The following DOK5 variants were observed in gnomAD, a reference collection of about 807,000 sequenced individuals.
DOK5 encodes the protein docking protein 5, also known as downstream of tyrosine kinase 5.
In DOK5, 27 loss-of-function variants were observed where a neutral mutation model predicts 43.3. That is an observed-to-expected ratio of 0.62 (90% confidence interval 0.46 to 0.86). The LOEUF is 0.86. Among genes scored for constraint, DOK5 ranks in the 40% least tolerant of loss-of-function variants. The pLI is 0.00. For synonymous variants in DOK5, 146 were observed against 140.1 expected (o/e 1.04, Z -0.30); for missense variants, 373 against 392.9 (o/e 0.95, Z 0.43).
In DOK5 at chr20:54,534,968, G is replaced by A. The variant is rs186869391; in HGVS notation, c.67-19965G>A. On this transcript the variant is annotated intron_variant, in intron 1 of 7. Transcript: ENST00000262593. ...TCTGCCTCAGCCTCCCGAGTAGCTGGGATTACAGGCATGTGCCACCACGCC... is the reference window on the plus strand; with the variant it reads ...TCTGCCTCAGCCTCCCGAGTAGCTGAGATTACAGGCATGTGCCACCACGCC... Among the ~76,000 whole-genome samples, 574 of 152,168 alleles carry A rather than the reference G, an allele frequency of 3.8e-3. 7 individuals carry two copies. The highest frequency in any genetic ancestry group is 3.0e-3 in the Non-Finnish European group (205 of 68,020).
chr20:54,512,986 C>T (rs531396393), intron 1 of DOK5, among the ~76,000 whole-genome samples: 3 of 152,242 alleles, frequency 2.0e-5, no homozygotes, highest in Admixed American at 6.5e-5. Context: ...ATGGCTTTTT[C>T]CCCCTTATAC....
At chr20:54,592,663 C>T (rs1986013267) in intron 5 of DOK5, among the ~76,000 whole-genome samples, 1 of 151,834 alleles carries the variant, frequency 6.6e-6, no homozygotes, top group Admixed American at 6.6e-5. Flanking sequence ...GCCTCAGCCT[C>T]CTGAGTAGCT....
chr20:54,572,592 T>A (rs1985319360), intron 2 of DOK5, among the ~76,000 whole-genome samples: 1 of 152,210 alleles, frequency 6.6e-6, no homozygotes, highest in Non-Finnish European at 1.5e-5. Context: ...AAAAAATTAA[T>A]GTCAGCCACT....
intron 2 of DOK5, among the ~76,000 whole-genome samples, chr20:54,570,034 G>T (rs1233049092): frequency 6.6e-6 from 1 of 152,150 alleles, no homozygotes; most frequent in Non-Finnish European, 1.5e-5. Flanking sequence ...AATTTTTGAT[G>T]AAAACTGAGC....
intron 5 of DOK5, among the ~76,000 whole-genome samples, chr20:54,600,532 G>T (rs1177154205): frequency 1.3e-5 from 2 of 152,096 alleles, no homozygotes; most frequent in Non-Finnish European, 2.9e-5. Context: ...ATGGGAGGAT[G>T]GAGTCCAGAG....
chr20:54,595,780 G>A (rs1986122490), intron 5 of DOK5, among the ~76,000 whole-genome samples: 2 of 152,210 alleles, frequency 1.3e-5, no homozygotes, highest in African/African-American at 2.4e-5. Flanking sequence ...TGTATGCTTA[G>A]CATCTTACTT....
chr20:54,632,682 A>G (rs6098130), intron 6 of DOK5, among the ~76,000 whole-genome samples: 9,113 of 152,344 alleles, frequency 0.06, 293 homozygotes, highest in Middle Eastern at 0.11. Flanking sequence ...AAAATTTCCC[A>G]GAATGATTGT....
intron 1 of DOK5, among the ~76,000 whole-genome samples, chr20:54,552,025 G>T (rs1984547371): frequency 6.6e-6 from 1 of 152,042 alleles, no homozygotes; most frequent in Non-Finnish European, 1.5e-5. Flanking sequence ...ATGGGGTTTT[G>T]TCATATTGGC....
chr20:54,564,683 A>G (rs769888340), intron 2 of DOK5, among the ~76,000 whole-genome samples: 2 of 152,190 alleles, frequency 1.3e-5, no homozygotes, highest in African/African-American at 2.4e-5. Flanking sequence ...GTCAAAGGTG[A>G]TGTCAATCCC....
At chr20:54,588,913 A>G in intron 4 of DOK5, 107 bp downstream of exon 4, 5 of 1,172,326 alleles carry the variant, frequency 4.3e-6, no homozygotes, top group Non-Finnish European at 5.9e-6. Context: ...ATAAAAATGT[A>G]TAAAGAAATA....
In DOK5 at chr20:54,591,772, G is replaced by A. The variant is rs762333473; in HGVS notation, c.566G>A (p.Arg189His). ...CTAAGCGCCCTGCGGCGGTATGGAC[G>A]TGATACTACGTGGTTCACTTTTGAG... ...WPLSALRRYG[R>H]DTTWFTFEAG... Residue 189 changes from arginine to histidine, a missense_variant, in exon 5 of 8, where the codon CGT becomes CAT. Transcript: ENST00000262593. The A allele has an allele frequency of 1.4e-5, 22 of 1,613,080 alleles. No homozygotes were observed. The highest frequency in any genetic ancestry group is 1.6e-4 in the Middle Eastern group (1 of 6,078).
intron 1 of DOK5, among the ~76,000 whole-genome samples, chr20:54,497,278 C>A (rs958897274): frequency 6.6e-6 from 1 of 152,192 alleles, no homozygotes; most frequent in South Asian, 2.1e-4. Context: ...ATGAATATTA[C>A]AAACCCGAAT....
At chr20:54,543,541 C>CTGTGTGTGTGTGTGTG (rs74179284) in intron 1 of DOK5, among the ~76,000 whole-genome samples, 2 of 143,474 alleles carry the variant, frequency 1.4e-5, no homozygotes, top group African/African-American at 2.6e-5. Context: ...CCTAGAATTG[C>CTGTGTGTGTGTGTGTG]TGTGTGTGTG....
chr20:54,535,729 G>A (rs950283407), intron 1 of DOK5, among the ~76,000 whole-genome samples: 34 of 152,090 alleles, frequency 2.2e-4, no homozygotes, highest in African/African-American at 7.7e-4. Flanking sequence ...ATAAAAAGTA[G>A]CACTTGGTAC....
At position 54,610,386 on chromosome 20, in the gene DOK5, A is replaced by C; in HGVS notation, c.600-2A>C. ...GAAGCTGTTTTGTTTTTGTTTTCAC[A>C]GGATGTGTGAGACTGGTGAAGGGCT... On this transcript the variant is annotated splice_acceptor_variant, in intron 5 of 7. Transcript: ENST00000262593. LOFTEE classifies it high-confidence loss of function. 6.6e-7 allele frequency: 1 copy of C among 1,512,334 alleles called. No homozygotes were observed. The highest frequency in any genetic ancestry group is 8.8e-7 in the Non-Finnish European group (1 of 1,131,362). 93.7% of individuals were successfully genotyped at this position (1,512,334 alleles called of 1,614,324 possible). A position where few individuals can be genotyped will look rare whatever the true frequency, so the allele number is the denominator to read the frequency against.
chr20:54,483,402 T>C (rs1981804328), intron 1 of DOK5, among the ~76,000 whole-genome samples: 1 of 152,260 alleles, frequency 6.6e-6, no homozygotes, highest in African/African-American at 2.4e-5. Flanking sequence ...TACCTATTAG[T>C]GTTAACCACC....
chr20:54,535,303 T>C (rs1024665717), intron 1 of DOK5, among the ~76,000 whole-genome samples: 5 of 151,796 alleles, frequency 3.3e-5, no homozygotes, highest in Admixed American at 6.6e-5. Context: ...GTTTTTTTTT[T>C]AAAGAGTGCT....
At chr20:54,603,872 A>G (rs1986376077) in intron 5 of DOK5, among the ~76,000 whole-genome samples, 2 of 145,942 alleles carry the variant, frequency 1.4e-5, no homozygotes, top group Admixed American at 1.4e-4. Context: ...TTCTTGTCAT[A>G]GTGTTGTTGG....
At chr20:54,583,079 C>T (rs1169943299) in intron 2 of DOK5, among the ~76,000 whole-genome samples, 1 of 151,986 alleles carries the variant, frequency 6.6e-6, no homozygotes, top group Admixed American at 6.6e-5. Flanking sequence ...TGTTTTCATT[C>T]AGCTCAGGGT....
Sources: allele counts gnomAD v4.1 joint callset (sites outside exome capture counted in the v4.1 genomes callset), GRCh38; gene constraint gnomAD v4.1.1; transcripts MANE v1.5; gene names NCBI Gene and HGNC (gene_info 2026-07-23, HGNC 2026-07-21).